Variants in RAB6A observed in about 807,000 individuals in gnomAD.
RAB6A encodes the protein RAB6A, member RAS oncogene family.
Under a neutral mutation model 32.3 loss-of-function variants are expected in RAB6A, and 8 were observed. The ratio of observed to expected loss-of-function variants is 0.25; its 90% confidence interval spans 0.15 to 0.45. RAB6A has a LOEUF of 0.45. Among genes scored for constraint, RAB6A ranks in the 20% least tolerant of loss-of-function variants. RAB6A has a pLI of 1.00. For synonymous variants in RAB6A, 73 were observed against 82.1 expected (o/e 0.89, Z 0.60); for missense variants, 104 against 249.4 (o/e 0.42, Z 3.93).
chr11:73,735,474 TA>T (rs1946379018), intron 1 of RAB6A, among the ~76,000 whole-genome samples: 2 of 152,102 alleles, frequency 1.3e-5, no homozygotes, highest in Admixed American at 1.3e-4. Context: ...TGCAGAGTGA[TA>T]AAAAGTACAA....
intron 2 of RAB6A, among the ~76,000 whole-genome samples, chr11:73,726,731 C>T (rs1468196316): frequency 6.8e-6 from 1 of 146,080 alleles, no homozygotes; most frequent in East Asian, 2.0e-4. Flanking sequence ...GCCTGGGTGA[C>T]AGAGTGAAAC....
In RAB6A at chr11:73,695,379, G is replaced by GTT. The variant is rs71469463; in HGVS notation, c.495+12039_495+12040dup. 2.1e-3 allele frequency among the ~76,000 whole-genome samples: 315 copies of GTT among 147,084 alleles called. 1 individual carries two copies. Among genetic ancestry groups the GTT allele is most frequent in the South Asian group, 4.5e-3 (21 of 4,686 alleles). On this transcript the variant is annotated intron_variant, in intron 6 of 7. Coordinates refer to ENST00000336083, the MANE Select transcript of RAB6A (RefSeq NM_198896.2). ...TATTTACTAAGTATCCAGTTTTTTT[G>GTT]TTTTTTTTTTTCTTTTTTGAGACGG...
intron 1 of RAB6A, among the ~76,000 whole-genome samples, chr11:73,754,503 G>A (rs1946716111): frequency 6.6e-6 from 1 of 152,256 alleles, no homozygotes; most frequent in Non-Finnish European, 1.5e-5. Flanking sequence ...TGCATAAGCA[G>A]CTATGCAAAT....
chr11:73,704,194 C>T, intron 6 of RAB6A: 1 of 437,922 alleles, frequency 2.3e-6, no homozygotes, highest in African/African-American at 2.0e-5. Flanking sequence ...CTAGCCTGGG[C>T]AACATGGCAA....
intron 1 of RAB6A, among the ~76,000 whole-genome samples, chr11:73,756,534 G>C (rs1946753404): frequency 1.3e-5 from 2 of 152,132 alleles, no homozygotes; most frequent in South Asian, 4.1e-4. Flanking sequence ...ATTTATAATT[G>C]GTAACATGTA....
At chr11:73,750,165 T>C in intron 1 of RAB6A, among the ~76,000 whole-genome samples, 1 of 152,090 alleles carries the variant, frequency 6.6e-6, no homozygotes, top group East Asian at 1.9e-4. Context: ...AAAAGTAAAG[T>C]TTGTCAGGAT....
chr11:73,690,984 C>A (rs1945548782), intron 6 of RAB6A, among the ~76,000 whole-genome samples: 1 of 145,188 alleles, frequency 6.9e-6, no homozygotes, highest in Non-Finnish European at 1.5e-5. Flanking sequence ...AAGCACCTCA[C>A]ACAGAAAATT....
chr11:73,755,386 C>A (rs900635265), intron 1 of RAB6A, among the ~76,000 whole-genome samples: 2 of 151,984 alleles, frequency 1.3e-5, no homozygotes, highest in Non-Finnish European at 2.9e-5. Context: ...CTCCACCTCC[C>A]GAGTTCAAGC....
intron 5 of RAB6A, among the ~76,000 whole-genome samples, chr11:73,713,957 G>A (rs1250337921): frequency 3.3e-5 from 5 of 151,824 alleles, no homozygotes; most frequent in East Asian, 1.9e-4. Flanking sequence ...TTGGGAAGCC[G>A]AGGCGGGTGG....
At chr11:73,717,583 T>C (rs975236064) in intron 4 of RAB6A, among the ~76,000 whole-genome samples, 1 of 152,204 alleles carries the variant, frequency 6.6e-6, no homozygotes, top group Admixed American at 6.5e-5. Flanking sequence ...TAGCTGGGAT[T>C]ACAGGCATGC....
At chr11:73,718,913 T>TAAA (rs34792668) in intron 3 of RAB6A, 195 bp from the exon 4 acceptor site, 104 of 1,165,974 alleles carry the variant, frequency 8.9e-5, no homozygotes, top group Middle Eastern at 4.9e-4. Flanking sequence ...AAAAAATAAA[T>TAAA]AAAAAAAAAA....
intron 1 of RAB6A, among the ~76,000 whole-genome samples, chr11:73,757,094 C>CATACAT (rs1946762502): frequency 1.4e-5 from 1 of 70,044 alleles, no homozygotes; most frequent in Admixed American, 2.4e-4. Context: ...CTTAAATATA[C>CATACAT]ATACATATAT....
intron 5 of RAB6A, among the ~76,000 whole-genome samples, chr11:73,715,413 C>T (rs746134146): frequency 3.9e-5 from 6 of 152,150 alleles, no homozygotes; most frequent in Non-Finnish European, 4.4e-5. Context: ...TGTGAGCCAC[C>T]GCACCCGGCC....
chr11:73,698,947 G>A (rs1411221342), intron 6 of RAB6A, among the ~76,000 whole-genome samples: 3 of 150,656 alleles, frequency 2.0e-5, no homozygotes, highest in African/African-American at 7.3e-5. Context: ...CGCCTCCCAG[G>A]TTCAAGTGAT....
At chr11:73,728,271 A>G (rs951768580) in intron 2 of RAB6A, among the ~76,000 whole-genome samples, 3 of 152,196 alleles carry the variant, frequency 2.0e-5, no homozygotes, top group Non-Finnish European at 4.4e-5. Context: ...CACATTAAGT[A>G]TATAAGATGT....
At chr11:73,731,827 C>T (rs1946318482) in intron 1 of RAB6A, among the ~76,000 whole-genome samples, 1 of 147,412 alleles carries the variant, frequency 6.8e-6, no homozygotes, top group Non-Finnish European at 1.5e-5. Context: ...CTGCAACCTC[C>T]GCCTCCCGGG....
At chr11:73,760,526 C>T (rs759010929) in intron 1 of RAB6A, 40 bp downstream of exon 1, 1 of 1,567,182 alleles carries the variant, frequency 6.4e-7, no homozygotes, top group Admixed American at 1.9e-5. Flanking sequence ...TGCGGGGACG[C>T]TGCGGCCAGC....
rs148970938 is a variant in RAB6A, at chr11:73,686,324, G to C, written c.496-6604C>G. On this transcript the variant is annotated intron_variant, in intron 6 of 7. Coordinates refer to ENST00000336083, the MANE Select transcript of RAB6A (RefSeq NM_198896.2). ...TAATCCCAGGACTTTGGGAGGCAAA[G>C]GTGGGGGGATCATTTGAGGTCAGGA... Among the ~76,000 whole-genome samples, 1,387 of 152,296 alleles carry C rather than the reference G, an allele frequency of 9.1e-3. 15 individuals carry two copies. The highest frequency in any genetic ancestry group is 0.034 in the Middle Eastern group (10 of 294).
At chr11:73,749,412 T>C (rs887904511) in intron 1 of RAB6A, among the ~76,000 whole-genome samples, 1 of 152,180 alleles carries the variant, frequency 6.6e-6, no homozygotes, top group Non-Finnish European at 1.5e-5. Flanking sequence ...GAGTGTACAC[T>C]GCTCGGGTGA....
Sources: allele counts gnomAD v4.1 joint callset (sites outside exome capture counted in the v4.1 genomes callset), GRCh38; gene constraint gnomAD v4.1.1; transcripts MANE v1.5; gene names NCBI Gene and HGNC (gene_info 2026-07-23, HGNC 2026-07-21).